The following TULP4 variants were observed in gnomAD, a reference collection of about 807,000 sequenced individuals.
TULP4 encodes the protein TUB like protein 4.
TULP4 carries 16 observed loss-of-function variants against 129.0 expected under a neutral mutation model. The observed-to-expected ratio is 0.12, with a 90% CI of 0.08 to 0.19. The LOEUF (loss-of-function observed/expected upper bound fraction) is 0.19. Among genes scored for constraint, TULP4 ranks in the 10% least tolerant of loss-of-function variants. TULP4 has a pLI of 1.00. For missense variants in TULP4, 1,842 were observed against 2,059.1 expected (o/e 0.89, Z 2.04); for synonymous variants, 998 against 854.0 (o/e 1.17, Z -2.94).
At position 158,503,582 on chromosome 6, in the gene TULP4, G is replaced by A. The variant is rs769454233; in HGVS notation, c.3919G>A (p.Val1307Met). 4 of 1,613,906 alleles carry A rather than the reference G, an allele frequency of 2.5e-6. No individual in the cohort carries two copies. The African/African-American group carries it at 5.3e-5, about 22-fold the overall frequency. Reference protein sequence around the residue: ...ADLQSHLGTEVMVETADNFQE... With the variant: ...ADLQSHLGTEMMVETADNFQE... ...CCTCCAAAGCCACTTGGGCACAGAG[G>A]TGATGGTAGAGACTGCAGACAACTT... Residue 1307 changes from valine (V) to methionine (M), a missense_variant, in exon 13 of 14, where the codon GTG (valine) becomes ATG (methionine). Val to Met is a conservative substitution (Grantham distance 21, BLOSUM62 1). This residue lies in a region of TULP4 where 1,089 missense variants were observed against 987.1 expected (regional missense o/e 1.10). Coordinates refer to ENST00000367097, the MANE Select transcript of TULP4 (RefSeq NM_020245.5). The surrounding 1 kb of genome is among the most constrained non-coding windows in gnomAD (Gnocchi z 4.3).
chr6:158,375,737 A>G (rs1014213175), intron 1 of TULP4, among the ~76,000 whole-genome samples: 1 of 152,192 alleles, frequency 6.6e-6, no homozygotes, highest in African/African-American at 2.4e-5. Flanking sequence ...TTAAACAGCT[A>G]CTCCTGACCT....
At chr6:158,242,328 G>GGA in intron 1 of TULP4, 1 of 1,545,492 alleles carries the variant, frequency 6.5e-7, no homozygotes, top group Non-Finnish European at 8.9e-7. Flanking sequence ...CAGGCTCTCT[G>GGA]GAGCCACTTT....
chr6:158,422,694 C>T (rs1007420125), intron 2 of TULP4, among the ~76,000 whole-genome samples: 1 of 152,176 alleles, frequency 6.6e-6, no homozygotes, highest in African/African-American at 2.4e-5. Flanking sequence ...TGGATACCAG[C>T]CAGGTCTATA....
chr6:158,324,541 G>C (rs1779704186), intron 1 of TULP4, among the ~76,000 whole-genome samples: 1 of 152,214 alleles, frequency 6.6e-6, no homozygotes, highest in African/African-American at 2.4e-5. Flanking sequence ...TGGCTCTACA[G>C]TGGTGAAAAA....
intron 6 of TULP4, among the ~76,000 whole-genome samples, chr6:158,464,331 A>G (rs1318866208): frequency 1.3e-5 from 2 of 152,206 alleles, no homozygotes; most frequent in Admixed American, 1.3e-4. Context: ...GGCCATACAC[A>G]TGTCACAGGT....
rs781245073 is a variant in TULP4, at chr6:158,508,305, A to T, written c.*1611A>T. On this transcript the variant is annotated 3_prime_UTR_variant, in exon 14 of 14. Transcript: ENST00000367097. ...AAATTTGCATTTTATTTGGAAACAG[A>T]CAAGTAGAAGATGCTACAGAAAAGT... is the stretch of plus-strand genomic sequence containing the variant. 1 of 152,240 alleles carries T rather than the reference A, an allele frequency of 6.6e-6. No individual in the cohort carries two copies. Among genetic ancestry groups the T allele is most frequent in the Non-Finnish European group, 1.5e-5 (1 of 68,046 alleles). The allele number at this position is 152,240 out of a possible 1,614,324, so 9.4% of individuals were successfully genotyped here.
chr6:158,324,889 A>G (rs978233652), intron 1 of TULP4, among the ~76,000 whole-genome samples: 2 of 152,128 alleles, frequency 1.3e-5, no homozygotes, highest in East Asian at 3.9e-4. Flanking sequence ...GGGAAGAGGC[A>G]CCCTTAAACA....
intron 1 of TULP4, among the ~76,000 whole-genome samples, chr6:158,253,994 G>T (rs1306679077): frequency 6.6e-6 from 1 of 151,742 alleles, no homozygotes; most frequent in Non-Finnish European, 1.5e-5. Context: ...AGCTGAGATT[G>T]CCCCACTGTA....
chr6:158,300,346 A>G (rs764079286), intron 1 of TULP4, among the ~76,000 whole-genome samples: 30 of 152,170 alleles, frequency 2.0e-4, no homozygotes, highest in Non-Finnish European at 4.0e-4. Context: ...AGCTGCAGTC[A>G]GAGTATGTCT....
At chr6:158,365,889 C>CTTTTTTTTTTTT (rs1780937342) in intron 1 of TULP4, among the ~76,000 whole-genome samples, 1 of 84,528 alleles carries the variant, frequency 1.2e-5, no homozygotes, top group Non-Finnish European at 2.4e-5. Context: ...TTTTTTTTTT[C>CTTTTTTTTTTTT]TTTTTCTTTC....
intron 1 of TULP4, among the ~76,000 whole-genome samples, chr6:158,410,833 G>C (rs1054147149): frequency 6.6e-6 from 1 of 152,046 alleles, no homozygotes; most frequent in African/African-American, 2.4e-5. Flanking sequence ...ATGAATCTGG[G>C]TTTGTTGCCC....
Position 158,492,596 on chromosome 6 carries a change from C to T in TULP4, c.1632-977C>T, listed in dbSNP as rs186734714. 1.4e-3 allele frequency among the ~76,000 whole-genome samples: 217 copies of T among 152,294 alleles called. 1 individual carries two copies. Among genetic ancestry groups the T allele is most frequent in the African/African-American group, 4.9e-3 (204 of 41,554 alleles). On this transcript the variant is annotated intron_variant, in intron 9 of 13. Coordinates refer to ENST00000367097, the MANE Select transcript of TULP4 (RefSeq NM_020245.5). ...TTAAACGTCCTCTTCAGGTTGCCGT[C>T]TTCCTGTGGCTGGACCTCCTCCTGT...
At chr6:158,457,721 G>T (rs1437205503) in intron 5 of TULP4, among the ~76,000 whole-genome samples, 1 of 152,088 alleles carries the variant, frequency 6.6e-6, no homozygotes, top group Non-Finnish European at 1.5e-5. Flanking sequence ...AGCTTTGTTT[G>T]TGTTTTTTGT....
intron 1 of TULP4, among the ~76,000 whole-genome samples, chr6:158,254,596 A>G (rs1778211725): frequency 6.6e-6 from 1 of 152,254 alleles, no homozygotes; most frequent in East Asian, 1.9e-4. Context: ...CTTATGTTTA[A>G]CCCCTAGTTT....
At chr6:158,468,833 A>T (rs1242391205) in intron 6 of TULP4, among the ~76,000 whole-genome samples, 1 of 152,176 alleles carries the variant, frequency 6.6e-6, no homozygotes, top group African/African-American at 2.4e-5. Context: ...CTGTGTCCTC[A>T]CATGGTAGAA....
intron 1 of TULP4, among the ~76,000 whole-genome samples, chr6:158,372,064 C>G (rs1054328460): frequency 5.3e-5 from 8 of 151,870 alleles, no homozygotes; most frequent in Non-Finnish European, 1.0e-4. Flanking sequence ...ATCTGCCCAC[C>G]TCGGCCTCTC....
rs190729807 is a variant in TULP4, at chr6:158,329,536, G to A, written c.252+15268G>A. Among the ~76,000 whole-genome samples, 303 of 151,504 alleles carry A rather than the reference G, an allele frequency of 2.0e-3. 2 individuals are homozygous for A. Among genetic ancestry groups the A allele is most frequent in the African/African-American group, 6.5e-3 (268 of 41,308 alleles). ...AAAGCTCTATTTTGTAAACTCCTTG[G>A]TAGCAGAAATAAATGTTTGATGGCT... On this transcript the variant is annotated intron_variant, in intron 1 of 13. Transcript: ENST00000367097.
At chr6:158,284,131 A>G (rs185285461) in intron 1 of TULP4, among the ~76,000 whole-genome samples, 1 of 152,354 alleles carries the variant, frequency 6.6e-6, no homozygotes, top group Admixed American at 6.5e-5. Flanking sequence ...AAGAGGAGTG[A>G]GTGTTTTTGG....
In TULP4 at chr6:158,392,790, A is replaced by ATTTTTTTTT. The variant is rs1554286987; in HGVS notation, c.253-20272_253-20271insTTTTTTTTT. ...CACTGTACCTATTGTTTAAATTTGT[A>ATTTTTTTTT]TTTCTTTTTTTTTTTTTTTTTTTTT... On this transcript the variant is annotated intron_variant, in intron 1 of 13. Coordinates refer to ENST00000367097, the MANE Select transcript of TULP4 (RefSeq NM_020245.5). Among the ~76,000 whole-genome samples the ATTTTTTTTT allele has an allele frequency of 6.0e-4, 23 of 38,614 alleles. 1 individual carries two copies. Among genetic ancestry groups the ATTTTTTTTT allele is most frequent in the African/African-American group, 1.1e-3 (11 of 9,694 alleles). 25.3% of individuals were successfully genotyped at this position (38,614 alleles called of 152,430 possible).
Sources: gnomAD v4.1 joint callset for allele counts (sites outside exome capture counted in the v4.1 genomes callset) on GRCh38, gnomAD v4.1.1 for gene constraint, gnomAD v4.1.1 regional missense constraint, Gnocchi (gnomAD v3.1) non-coding constraint, MANE v1.5 for transcripts, NCBI Gene and HGNC (gene_info 2026-07-23, HGNC 2026-07-21) for gene names.